FUT8: variants seen among roughly 807,000 people sequenced by gnomAD.
FUT8 encodes the protein fucosyltransferase 8.
FUT8 carries 29 observed loss-of-function variants against 71.3 expected under a neutral mutation model. That is an observed-to-expected ratio of 0.41 (90% CI 0.30 to 0.55). The LOEUF is 0.55. FUT8 is among the 20% of genes least tolerant of loss of function. The pLI is 0.34. For missense variants in FUT8, 544 were observed against 702.1 expected (o/e 0.77, Z 2.55); for synonymous variants, 254 against 239.3 (o/e 1.06, Z -0.57).
At chr14:65,421,287 A>G (rs895901684) in intron 1 of FUT8, among the ~76,000 whole-genome samples, 7 of 151,550 alleles carry the variant, frequency 4.6e-5, no homozygotes, top group Non-Finnish European at 4.4e-5. Flanking sequence ...CTTTATCCTC[A>G]TTGTCTCCAC....
At chr14:65,566,680 A>G (rs995464341) in intron 3 of FUT8, among the ~76,000 whole-genome samples, 1 of 151,962 alleles carries the variant, frequency 6.6e-6, no homozygotes, top group African/African-American at 2.4e-5. Context: ...ACTGAAATTA[A>G]TGATTGAATC....
chr14:65,424,499 C>T (rs1257879983), intron 1 of FUT8, among the ~76,000 whole-genome samples: 1 of 150,626 alleles, frequency 6.6e-6, no homozygotes, highest in African/African-American at 2.4e-5. Flanking sequence ...ATTTTAAGCA[C>T]TCATGACATA....
chr14:65,396,893 G>A, the FUT8 span, among the ~76,000 whole-genome samples: 1 of 152,308 alleles, frequency 6.6e-6, no homozygotes, highest in South Asian at 2.1e-4. The surrounding 1 kb of genome is among the most constrained non-coding windows in gnomAD (Gnocchi z 5.5). Flanking sequence ...GGAGTGCAGT[G>A]GCTGTTTATA....
At chr14:65,626,959 A>C (rs1046544085) in intron 5 of FUT8, among the ~76,000 whole-genome samples, 13 of 152,210 alleles carry the variant, frequency 8.5e-5, no homozygotes, top group Non-Finnish European at 1.5e-5. Flanking sequence ...AAACCTGTCT[A>C]CCATCAAACT....
At chr14:65,737,341 A>G (rs148313242) in intron 10 of FUT8, among the ~76,000 whole-genome samples, 83 of 152,270 alleles carry the variant, frequency 5.5e-4, no homozygotes, top group African/African-American at 1.9e-3. Flanking sequence ...AGGATTTAAT[A>G]TGAAAATTGG....
At chr14:65,537,514 A>G (rs1346036288) in intron 2 of FUT8, among the ~76,000 whole-genome samples, 1 of 152,002 alleles carries the variant, frequency 6.6e-6, no homozygotes, top group Non-Finnish European at 1.5e-5. Context: ...CAGCCTCCTG[A>G]GTAGCTGGGA....
intron 2 of FUT8, among the ~76,000 whole-genome samples, chr14:65,469,494 CTG>C (rs750985455): frequency 2.1e-5 from 3 of 144,670 alleles, no homozygotes; most frequent in Admixed American, 6.7e-5. Flanking sequence ...CTAGAAACCT[CTG>C]TGGCCAGTGG....
chr14:65,700,617 T>G (rs1012050017), intron 7 of FUT8, among the ~76,000 whole-genome samples: 9 of 152,228 alleles, frequency 5.9e-5, no homozygotes, highest in African/African-American at 2.2e-4. Flanking sequence ...TCCAGGATGG[T>G]CTCGATCTCC....
rs77277129 is a variant in FUT8, at chr14:65,612,160, C to G, written c.204-3818C>G. Among the ~76,000 whole-genome samples, 77 of 152,074 alleles carry G rather than the reference C, an allele frequency of 5.1e-4. No individual in the cohort carries two copies. The East Asian group carries it at 0.013, about 25-fold the overall frequency. ...GCAAGCCTGGTAACTTTTGTGGATT[C>G]CAGACATGAATTTTACCTTGTTTGT... On this transcript the variant is annotated intron_variant, in intron 3 of 10. Transcript: ENST00000673929.
chr14:65,578,198 T>C (rs1886895119), intron 3 of FUT8, among the ~76,000 whole-genome samples: 2 of 152,150 alleles, frequency 1.3e-5, no homozygotes, highest in Non-Finnish European at 1.5e-5. Flanking sequence ...CTTTATATTT[T>C]ATTCTTTTAC....
intron 5 of FUT8, among the ~76,000 whole-genome samples, chr14:65,618,480 A>T (rs1889426168): frequency 6.6e-6 from 1 of 152,140 alleles, no homozygotes; most frequent in Non-Finnish European, 1.5e-5. Context: ...CTTAAACAGA[A>T]ATGACAATGA....
the FUT8 span, among the ~76,000 whole-genome samples, chr14:65,385,015 C>T: frequency 6.6e-6 from 1 of 152,014 alleles, no homozygotes; most frequent in African/African-American, 2.4e-5. Context: ...CCTCAACCTC[C>T]CGAGTAGCTG....
chr14:65,609,483 T>G (rs959811113), intron 3 of FUT8, among the ~76,000 whole-genome samples: 10 of 151,916 alleles, frequency 6.6e-5, no homozygotes, highest in Non-Finnish European at 1.3e-4. Context: ...GTATATTTCT[T>G]GTTTTCCTCT....
intron 2 of FUT8, among the ~76,000 whole-genome samples, chr14:65,458,791 CTTTTT>C (rs748466416): frequency 7.4e-6 from 1 of 135,584 alleles, no homozygotes; most frequent in African/African-American, 2.7e-5. Flanking sequence ...TCTTTTCTTT[CTTTTT>C]TTTTTTTTTT....
intron 3 of FUT8, among the ~76,000 whole-genome samples, chr14:65,590,465 G>A (rs945885194): frequency 6.6e-6 from 1 of 152,070 alleles, no homozygotes; most frequent in African/African-American, 2.4e-5. Flanking sequence ...AGGTACCATT[G>A]GAAAAATCCC....
At chr14:65,692,763 G>T (rs1188206346) in intron 7 of FUT8, among the ~76,000 whole-genome samples, 4 of 149,448 alleles carry the variant, frequency 2.7e-5, no homozygotes, top group Non-Finnish European at 5.9e-5. Context: ...GGTGGTTGCC[G>T]GGCAGAGGGT....
At chr14:65,544,491 C>T (rs188751863) in intron 2 of FUT8, among the ~76,000 whole-genome samples, 30 of 152,156 alleles carry the variant, frequency 2.0e-4, no homozygotes, top group Admixed American at 1.2e-3. Context: ...TATATATACA[C>T]ATTTCATTTG....
At chr14:65,527,126 G>A (rs1883535774) in intron 2 of FUT8, among the ~76,000 whole-genome samples, 1 of 152,190 alleles carries the variant, frequency 6.6e-6, no homozygotes, top group Non-Finnish European at 1.5e-5. Context: ...CTAGGTTGGG[G>A]AAGTTCTCCT....
intron 2 of FUT8, among the ~76,000 whole-genome samples, chr14:65,475,863 G>A (rs1208409789): frequency 5.9e-5 from 9 of 152,078 alleles, no homozygotes; most frequent in Admixed American, 5.9e-4. Flanking sequence ...CCTCCTTGTA[G>A]GGGGTGAGGT....
Sources: gnomAD v4.1 joint callset for allele counts (sites outside exome capture counted in the v4.1 genomes callset) on GRCh38, gnomAD v4.1.1 for gene constraint, Gnocchi (gnomAD v3.1) non-coding constraint, MANE v1.5 for transcripts, NCBI Gene and HGNC (gene_info 2026-07-23, HGNC 2026-07-21) for gene names.